The following PAM variants were observed in gnomAD, a reference collection of about 807,000 sequenced individuals.
PAM encodes the protein peptidylglycine alpha-amidating monooxygenase, also known as peptidyl-glycine alpha-amidating monooxygenase.
Under a neutral mutation model 122.1 loss-of-function variants are expected in PAM, and 72 were observed. That is an observed-to-expected ratio of 0.59 (90% confidence interval 0.49 to 0.72). The LOEUF is 0.72. Ranked by LOEUF, PAM falls within the 30% of genes least tolerant of loss-of-function variation. PAM has a pLI of 0.00. For missense variants in PAM, 1,106 were observed against 1,183.7 expected (o/e 0.93, Z 0.96); for synonymous variants, 389 against 404.4 (o/e 0.96, Z 0.46).
At chr5:103,025,077 G>A in intron 23 of PAM, 54 bp from the exon 24 acceptor site, 2 of 1,265,880 alleles carry the variant, frequency 1.6e-6, no homozygotes, top group Non-Finnish European at 2.3e-6. Flanking sequence ...GTGGGTAAGG[G>A]GGTTTTGAAA....
intron 9 of PAM, 51 bp from the exon 10 acceptor site, chr5:102,949,486 G>A: frequency 1.1e-6 from 1 of 905,226 alleles, no homozygotes; most frequent in African/African-American, 1.6e-5. Flanking sequence ...TAAGAATAAT[G>A]TCATTTTCCA....
intron 1 of PAM, among the ~76,000 whole-genome samples, chr5:102,766,926 ATTTTTTTTTTTTTTTT>A: frequency 3.5e-4 from 9 of 25,832 alleles, no homozygotes; most frequent in African/African-American, 1.1e-3. Flanking sequence ...TCAGTTGTGG[ATTTTTTTTTTTTTTTT>A]TTTTTTTTTT....
chr5:102,791,609 C>A (rs1187984169), intron 1 of PAM, among the ~76,000 whole-genome samples: 1 of 151,926 alleles, frequency 6.6e-6, no homozygotes, highest in East Asian at 1.9e-4. Flanking sequence ...GCAGATTCTT[C>A]TGTTTTCAAC....
intron 3 of PAM, among the ~76,000 whole-genome samples, chr5:102,870,581 A>G (rs1787104788): frequency 6.6e-6 from 1 of 152,216 alleles, no homozygotes; most frequent in African/African-American, 2.4e-5. Flanking sequence ...ATCTGTTGCA[A>G]TATCAATTTT....
intron 15 of PAM, among the ~76,000 whole-genome samples, chr5:102,981,357 G>A (rs1769766878): frequency 6.6e-6 from 1 of 152,190 alleles, no homozygotes; most frequent in Non-Finnish European, 1.5e-5. Flanking sequence ...GAATAGAAAG[G>A]TTCCAGAAGC....
At chr5:102,874,848 T>G (rs1394035443) in intron 3 of PAM, among the ~76,000 whole-genome samples, 1 of 152,158 alleles carries the variant, frequency 6.6e-6, no homozygotes, top group African/African-American at 2.4e-5. Context: ...TTAATTCCCA[T>G]AAAAAGTCTG....
chr5:102,941,111 A>C (rs1755058511), intron 7 of PAM, among the ~76,000 whole-genome samples: 1 of 152,204 alleles, frequency 6.6e-6, no homozygotes, highest in Non-Finnish European at 1.5e-5. Context: ...TGCATTCATA[A>C]AAGATGGAAA....
At chr5:102,860,348 T>A (rs976832457) in intron 1 of PAM, among the ~76,000 whole-genome samples, 1 of 151,966 alleles carries the variant, frequency 6.6e-6, no homozygotes, top group African/African-American at 2.4e-5. Flanking sequence ...AAGAGGAAGG[T>A]CTTGTGCAGG....
chr5:102,891,427 G>A (rs1483698200), intron 3 of PAM, among the ~76,000 whole-genome samples: 2 of 151,782 alleles, frequency 1.3e-5, no homozygotes, highest in Non-Finnish European at 2.9e-5. Context: ...CTGTTGAAAC[G>A]TTTCTTTTAT....
At chr5:103,014,952 A>G (rs139774843) in intron 21 of PAM, among the ~76,000 whole-genome samples, 6 of 152,246 alleles carry the variant, frequency 3.9e-5, no homozygotes, top group African/African-American at 1.4e-4. Flanking sequence ...GGCAGCTCAT[A>G]TGGAAAAGAA....
At chr5:102,780,680 G>A (rs1431525575) in intron 1 of PAM, among the ~76,000 whole-genome samples, 1 of 151,868 alleles carries the variant, frequency 6.6e-6, no homozygotes, top group Non-Finnish European at 1.5e-5. Context: ...CACACTAGGG[G>A]GCAGTACTGC....
intron 15 of PAM, among the ~76,000 whole-genome samples, chr5:102,975,165 T>C (rs898828436): frequency 5.9e-5 from 9 of 152,220 alleles, no homozygotes; most frequent in African/African-American, 1.9e-4. Flanking sequence ...TTGCGTTTCA[T>C]GTTACTTGCT....
chr5:102,974,035 T>C (rs1766760740), intron 14 of PAM, 81 bp from the exon 15 acceptor site: 3 of 856,468 alleles, frequency 3.5e-6, no homozygotes, highest in South Asian at 3.5e-5. Flanking sequence ...AATGAGTAGA[T>C]ATTTTTTAAA....
intron 14 of PAM, among the ~76,000 whole-genome samples, chr5:102,963,307 C>G (rs912304651): frequency 1.3e-5 from 2 of 151,994 alleles, no homozygotes; most frequent in African/African-American, 4.8e-5. Context: ...TAGGGCAAAT[C>G]TCATTGCTGA....
intron 18 of PAM, 65 bp downstream of exon 18, chr5:103,005,291 G>T: frequency 1.1e-6 from 1 of 880,932 alleles, no homozygotes; most frequent in East Asian, 2.4e-5. Context: ...AAGAGCTCTG[G>T]AGTTGTATGG....
At chr5:102,920,646 G>A (rs1747108761) in intron 5 of PAM, among the ~76,000 whole-genome samples, 1 of 152,044 alleles carries the variant, frequency 6.6e-6, no homozygotes, top group Admixed American at 6.6e-5. Context: ...TGAAAGGTAA[G>A]GACCATCCCC....
intron 16 of PAM, among the ~76,000 whole-genome samples, chr5:103,001,074 A>T (rs942081837): frequency 1.3e-5 from 2 of 152,140 alleles, no homozygotes; most frequent in Non-Finnish European, 2.9e-5. Flanking sequence ...AGAAACTTTA[A>T]CCTATTACAT....
intron 14 of PAM, among the ~76,000 whole-genome samples, chr5:102,971,878 A>T (rs967598989): frequency 2.0e-5 from 3 of 152,194 alleles, no homozygotes; most frequent in Non-Finnish European, 4.4e-5. Context: ...GCACATAGGA[A>T]TGTAAGAGAT....
At chr5:102,831,010 A>C (rs925973509) in intron 1 of PAM, among the ~76,000 whole-genome samples, 6 of 152,186 alleles carry the variant, frequency 3.9e-5, no homozygotes, top group Non-Finnish European at 7.3e-5. Flanking sequence ...ACTAACCCAA[A>C]GACAGATAAG....
Sources: gnomAD v4.1 joint callset for allele counts (sites outside exome capture counted in the v4.1 genomes callset) on GRCh38, gnomAD v4.1.1 for gene constraint, MANE v1.5 for transcripts, NCBI Gene and HGNC (gene_info 2026-07-23, HGNC 2026-07-21) for gene names.